The following STK3 variants were observed in gnomAD, a reference collection of about 807,000 sequenced individuals.
The protein encoded by STK3 is serine/threonine-protein kinase 3.
A neutral mutation model predicts 58.0 loss-of-function variants in STK3; 41 were observed. The ratio of observed to expected loss-of-function variants is 0.71; its 90% confidence interval spans 0.55 to 0.92. STK3 has a LOEUF of 0.92. STK3 is among the 40% of genes least tolerant of loss of function. The pLI is 0.00. For synonymous variants in STK3, 170 were observed against 191.0 expected (o/e 0.89, Z 0.91); for missense variants, 479 against 602.7 (o/e 0.79, Z 2.15).
chr8:98,849,524 AAC>A (rs1836355301), intron 3 of STK3, among the ~76,000 whole-genome samples: 1 of 152,174 alleles, frequency 6.6e-6, no homozygotes. Context: ...AAGTAAACCA[AAC>A]AGTTAGGTCT....
intron 6 of STK3, among the ~76,000 whole-genome samples, chr8:98,644,149 T>G (rs1820226323): frequency 6.6e-6 from 1 of 152,200 alleles, no homozygotes; most frequent in Admixed American, 6.5e-5. Context: ...AAGCCAAGTT[T>G]TATATTATTT....
intron 3 of STK3, among the ~76,000 whole-genome samples, chr8:98,417,564 C>G (rs1818129173): frequency 6.6e-6 from 1 of 152,002 alleles, no homozygotes; most frequent in Non-Finnish European, 1.5e-5. Flanking sequence ...CTGGAGCCAC[C>G]CTGTTTTGCC....
At chr8:98,891,656 A>C (rs1838205820) in intron 1 of STK3, among the ~76,000 whole-genome samples, 1 of 151,368 alleles carries the variant, frequency 6.6e-6, no homozygotes, top group Non-Finnish European at 1.5e-5. Flanking sequence ...AGAGATACAC[A>C]GTGCTTAGAT....
chr8:98,675,803 G>C (rs919185053), intron 6 of STK3, among the ~76,000 whole-genome samples: 6 of 151,906 alleles, frequency 3.9e-5, no homozygotes, highest in African/African-American at 1.5e-4. Context: ...GGCGGAGCTT[G>C]CAGTGAGCCG....
chr8:98,398,901 AG>A (rs1444134671), downstream of STK3, among the ~76,000 whole-genome samples: 2 of 152,238 alleles, frequency 1.3e-5, no homozygotes, highest in Admixed American at 6.5e-5. Flanking sequence ...GTTCATCAAC[AG>A]GTAACAAAAT....
chr8:98,929,525 C>T (rs879802732), intron 1 of STK3, among the ~76,000 whole-genome samples: 4 of 152,196 alleles, frequency 2.6e-5, no homozygotes, highest in Non-Finnish European at 5.9e-5. Context: ...TGGTGCACCA[C>T]TGCAGTCCCA....
exon 1 of STK3, chr8:98,942,529 G>A (rs956826839): frequency 3.9e-5 from 6 of 152,276 alleles, no homozygotes; most frequent in African/African-American, 1.4e-4. Flanking sequence ...TCGTGGGGTT[G>A]GAAATTCTGC....
intron 6 of STK3, chr8:98,598,639 A>G (rs1816035944): frequency 2.0e-6 from 2 of 985,294 alleles, no homozygotes; most frequent in Admixed American, 6.2e-5. Flanking sequence ...CCCCTTCTAT[A>G]GAAAGTTTTG....
chr8:98,871,369 A>G (rs894981012), intron 3 of STK3, among the ~76,000 whole-genome samples: 14 of 152,234 alleles, frequency 9.2e-5, no homozygotes, highest in African/African-American at 3.1e-4. Context: ...GTTTTTTCCA[A>G]TTCTGTGAAG....
At chr8:98,563,906 T>C (rs944204880) in intron 8 of STK3, among the ~76,000 whole-genome samples, 1 of 152,052 alleles carries the variant, frequency 6.6e-6, no homozygotes, top group Non-Finnish European at 1.5e-5. Flanking sequence ...TAGAAAAAAT[T>C]CTAAATACTC....
At chr8:98,500,766 T>C (rs1823518823) in intron 10 of STK3, among the ~76,000 whole-genome samples, 2 of 152,326 alleles carry the variant, frequency 1.3e-5, no homozygotes, top group Middle Eastern at 6.8e-3. Flanking sequence ...TGCATAGTAT[T>C]CCATGGTGTA....
chr8:98,698,870 T>G (rs1397417125), intron 6 of STK3, among the ~76,000 whole-genome samples: 3 of 152,024 alleles, frequency 2.0e-5, no homozygotes, highest in Non-Finnish European at 4.4e-5. Flanking sequence ...AGGAGTATCT[T>G]TGTGGCATTC....
chr8:98,364,015 C>G, the STK3 span, among the ~76,000 whole-genome samples: 49 of 152,312 alleles, frequency 3.2e-4, no homozygotes, highest in Non-Finnish European at 6.2e-4. Flanking sequence ...TCAGGCCAAA[C>G]AGACCTCAGC....
intron 1 of STK3, among the ~76,000 whole-genome samples, chr8:98,441,711 G>C (rs930016934): frequency 5.9e-5 from 9 of 152,206 alleles, no homozygotes; most frequent in Non-Finnish European, 1.2e-4. Flanking sequence ...CCACCTTGAA[G>C]TGTCTCCCCT....
At chr8:98,865,907 T>C (rs1295172480) in intron 3 of STK3, among the ~76,000 whole-genome samples, 1 of 152,210 alleles carries the variant, frequency 6.6e-6, no homozygotes, top group Non-Finnish European at 1.5e-5. Flanking sequence ...GGGCAACACA[T>C]GGGGCTGCCC....
At chr8:98,888,989 C>A (rs1377273459) in intron 1 of STK3, among the ~76,000 whole-genome samples, 2 of 152,178 alleles carry the variant, frequency 1.3e-5, no homozygotes, top group African/African-American at 2.4e-5. Context: ...CCACAAAGTT[C>A]CCAAGAGCAG....
At chr8:98,487,700 T>C (rs1446197937) in intron 10 of STK3, among the ~76,000 whole-genome samples, 1 of 152,210 alleles carries the variant, frequency 6.6e-6, no homozygotes, top group Non-Finnish European at 1.5e-5. Flanking sequence ...CCCCTGTAGT[T>C]ACACAGAACA....
chr8:98,799,760 G>A lies in STK3; in HGVS notation c.27-24941C>T, dbSNP rs561504478. Among the ~76,000 whole-genome samples the A allele has an allele frequency of 5.3e-5, 8 of 152,194 alleles. No homozygotes were observed. The East Asian group carries it at 5.8e-4, about 11-fold the overall frequency. ...ATGGCTACTGCTACAGGAACCGGAA[G>A]AGCCAGTTTATCTACTTCATTATCC... On this transcript the variant is annotated intron_variant, in intron 1 of 10. Transcript: ENST00000419617.
intron 4 of STK3, among the ~76,000 whole-genome samples, chr8:98,736,280 T>G (rs1457262981): frequency 6.6e-6 from 1 of 152,136 alleles, no homozygotes; most frequent in African/African-American, 2.4e-5. Flanking sequence ...CCTTCATGGA[T>G]GCAAATACAC....
Sources: allele counts gnomAD v4.1 joint callset (sites outside exome capture counted in the v4.1 genomes callset), GRCh38; gene constraint gnomAD v4.1.1; transcripts MANE v1.5; gene names NCBI Gene and HGNC (gene_info 2026-07-23, HGNC 2026-07-21).